ITPR2: variants seen among roughly 807,000 people sequenced by gnomAD.
ITPR2 encodes inositol 1,4,5-trisphosphate receptor type 2.
ITPR2 carries 207 observed loss-of-function variants against 317.1 expected under a neutral mutation model. That is an observed-to-expected ratio of 0.65 (90% CI 0.58 to 0.73). The LOEUF (loss-of-function observed/expected upper bound fraction) is 0.73, where lower values mean the gene tolerates loss of function less well. Ranked by LOEUF, ITPR2 falls within the 30% of genes least tolerant of loss-of-function variation. The pLI, the probability that ITPR2 is intolerant of heterozygous loss-of-function variation, is 0.00. For synonymous variants in ITPR2, 1,156 were observed against 1,149.1 expected (o/e 1.01, Z -0.12); for missense variants, 2,613 against 3,284.0 (o/e 0.80, Z 4.99).
intron 43 of ITPR2, among the ~76,000 whole-genome samples, chr12:26,477,313 CTG>C (rs1942441748): frequency 6.6e-6 from 1 of 151,952 alleles, no homozygotes. Context: ...TTTTCCCTCA[CTG>C]TTTCCTAAAT....
chr12:26,760,272 C>T (rs1315365779), intron 2 of ITPR2, among the ~76,000 whole-genome samples: 4 of 152,162 alleles, frequency 2.6e-5, no homozygotes, highest in African/African-American at 9.7e-5. Context: ...TTAACATACA[C>T]ATCTCTGATT....
rs939243803 is a variant in ITPR2, at chr12:26,444,322, T to C, written c.6343-672A>G. 5.9e-5 allele frequency among the ~76,000 whole-genome samples: 9 copies of C among 152,152 alleles called. No individual in the cohort carries two copies. The South Asian group carries it at 1.4e-3, about 24-fold the overall frequency. Reference sequence around the variant, plus strand: ...TCACTTTGTAGATTAGTAATACATGTTGCCTTCAGATGTCTCTTTTATGGT... The same window carrying C: ...TCACTTTGTAGATTAGTAATACATGCTGCCTTCAGATGTCTCTTTTATGGT... On this transcript the variant is annotated intron_variant, in intron 45 of 56. Coordinates refer to ENST00000381340, the MANE Select transcript of ITPR2 (RefSeq NM_002223.4).
chr12:26,559,136 C>G (rs532718507), intron 35 of ITPR2, among the ~76,000 whole-genome samples: 1 of 152,300 alleles, frequency 6.6e-6, no homozygotes, highest in African/African-American at 2.4e-5. Context: ...GCAAAGCTAC[C>G]TAACTAGATT....
At chr12:26,590,637 C>T (rs1348972712) in intron 32 of ITPR2, among the ~76,000 whole-genome samples, 1 of 152,166 alleles carries the variant, frequency 6.6e-6, no homozygotes, top group African/African-American at 2.4e-5. Context: ...GGATTAAAGA[C>T]TTAAATCTGA....
chr12:26,753,914 C>A (rs965487548), intron 2 of ITPR2, among the ~76,000 whole-genome samples: 2 of 152,166 alleles, frequency 1.3e-5, no homozygotes, highest in Non-Finnish European at 2.9e-5. Flanking sequence ...AACCGTGTGG[C>A]CATGCTTTCT....
chr12:26,811,012 TCTC>T (rs1441792396), intron 1 of ITPR2, among the ~76,000 whole-genome samples: 3 of 122,464 alleles, frequency 2.4e-5, no homozygotes, highest in African/African-American at 1.0e-4. Flanking sequence ...CCATGTCTCA[TCTC>T]CTCTCTTGTG....
At chr12:26,775,959 T>TA (rs1263788006) in intron 2 of ITPR2, among the ~76,000 whole-genome samples, 2 of 145,088 alleles carry the variant, frequency 1.4e-5, no homozygotes, top group African/African-American at 2.5e-5. Flanking sequence ...TATATGTATA[T>TA]CCTATTAGTT....
chr12:26,503,240 G>T (rs936151511), intron 37 of ITPR2, among the ~76,000 whole-genome samples: 1 of 128,748 alleles, frequency 7.8e-6, no homozygotes, highest in Admixed American at 7.7e-5. Context: ...GAGAGACAAA[G>T]ACCTCATTAT....
intron 2 of ITPR2, among the ~76,000 whole-genome samples, chr12:26,751,758 TG>T (rs1949424625): frequency 6.6e-6 from 1 of 151,668 alleles, no homozygotes; most frequent in Non-Finnish European, 1.5e-5. Context: ...CCCAGCTACT[TG>T]GGAGGCTGAG....
intron 32 of ITPR2, among the ~76,000 whole-genome samples, chr12:26,588,465 A>C (rs998337444): frequency 2.0e-5 from 3 of 152,194 alleles, no homozygotes; most frequent in East Asian, 1.9e-4. Context: ...ACCATATAAA[A>C]TGAGCCCTTT....
At chr12:26,491,122 C>G (rs996036095) in intron 39 of ITPR2, among the ~76,000 whole-genome samples, 1 of 152,064 alleles carries the variant, frequency 6.6e-6, no homozygotes, top group Non-Finnish European at 1.5e-5. Context: ...ATCTTATGGA[C>G]TGTAGCAGGG....
At chr12:26,684,994 C>T (rs1209788822) in intron 11 of ITPR2, among the ~76,000 whole-genome samples, 3 of 152,026 alleles carry the variant, frequency 2.0e-5, no homozygotes, top group Non-Finnish European at 4.4e-5. Context: ...CAACATTTCT[C>T]ATGAATGAGA....
Position 26,420,195 on chromosome 12 carries a change from C to T in ITPR2, c.6946-982G>A, listed in dbSNP as rs182642134. Among the ~76,000 whole-genome samples, 131 of 152,196 alleles carry T rather than the reference C, an allele frequency of 8.6e-4. 1 individual carries two copies. The highest frequency in any genetic ancestry group is 2.9e-3 in the African/African-American group (121 of 41,540). On this transcript the variant is annotated intron_variant, in intron 49 of 56. Transcript: ENST00000381340. ...ACTGCAGTAATTACAAACCAAAGAG[C>T]CAATTTTGTGTCTTAGTCATCAAGG...
At chr12:26,676,404 G>A (rs934406980) in intron 13 of ITPR2, among the ~76,000 whole-genome samples, 5 of 151,280 alleles carry the variant, frequency 3.3e-5, no homozygotes, top group Non-Finnish European at 7.4e-5. Flanking sequence ...TTGAGCCTGC[G>A]AGGCGGAGGT....
At chr12:26,809,031 C>A (rs1366548851) in intron 1 of ITPR2, among the ~76,000 whole-genome samples, 1 of 152,188 alleles carries the variant, frequency 6.6e-6, no homozygotes, top group Non-Finnish European at 1.5e-5. Context: ...TCAGTCTCTA[C>A]TTTCTGATTC....
chr12:26,639,185 CAT>C (rs910701024), intron 21 of ITPR2, among the ~76,000 whole-genome samples: 5 of 152,074 alleles, frequency 3.3e-5, no homozygotes, highest in African/African-American at 1.2e-4. Context: ...AAAGACCTGA[CAT>C]GTGGAAGGGA....
intron 32 of ITPR2, among the ~76,000 whole-genome samples, chr12:26,583,465 G>A (rs2137081024): frequency 6.6e-6 from 1 of 151,644 alleles, no homozygotes; most frequent in South Asian, 2.1e-4. Context: ...TCAACATTCA[G>A]GCACTGTTAT....
At chr12:26,494,023 T>C (rs1942872480) in intron 39 of ITPR2, 130 bp downstream of exon 39, 2 of 587,766 alleles carry the variant, frequency 3.4e-6, no homozygotes, top group South Asian at 2.7e-5. Context: ...AAAAGTGTGA[T>C]ACATGGATTT....
chr12:26,811,607 A>C (rs138210588), intron 1 of ITPR2, among the ~76,000 whole-genome samples: 3,652 of 151,760 alleles, frequency 0.024, 74 homozygotes, highest in Middle Eastern at 0.037. Context: ...GAATGGCATG[A>C]ACCCGGGGGG....
Sources: allele counts gnomAD v4.1 joint callset (sites outside exome capture counted in the v4.1 genomes callset), GRCh38; gene constraint gnomAD v4.1.1; transcripts MANE v1.5; gene names NCBI Gene and HGNC (gene_info 2026-07-23, HGNC 2026-07-21).